The following CCNK variants were observed in gnomAD, a reference collection of about 807,000 sequenced individuals.
The protein encoded by CCNK is cyclin-K.
A neutral mutation model predicts 65.0 loss-of-function variants in CCNK; 9 were observed. The observed-to-expected ratio is 0.14, with a 90% CI of 0.08 to 0.24. The LOEUF (loss-of-function observed/expected upper bound fraction) is 0.24, where lower values mean the gene tolerates loss of function less well. CCNK is among the 10% of genes least tolerant of loss of function. The pLI is 1.00. For missense variants in CCNK, 474 were observed against 720.0 expected (o/e 0.66, Z 3.91); for synonymous variants, 279 against 270.8 (o/e 1.03, Z -0.30).
intron 1 of CCNK, among the ~76,000 whole-genome samples, chr14:99,488,211 C>G (rs1896531851): frequency 6.6e-6 from 1 of 151,736 alleles, no homozygotes; most frequent in South Asian, 2.1e-4. Context: ...GTAATTCCCT[C>G]CCTAATACCC....
At chr14:99,490,828 T>TG (rs1311999146) in intron 1 of CCNK, among the ~76,000 whole-genome samples, 4 of 150,308 alleles carry the variant, frequency 2.7e-5, no homozygotes, top group African/African-American at 9.9e-5. Context: ...CTCGGGAGGC[T>TG]GAGGCAGGAG....
intron 10 of CCNK, chr14:99,507,528 C>T (rs1595326022): frequency 1.0e-5 from 2 of 195,644 alleles, no homozygotes; most frequent in East Asian, 2.5e-4. Context: ...ATTGCACCAC[C>T]GTACTCCAGC....
intron 1 of CCNK, among the ~76,000 whole-genome samples, chr14:99,486,013 G>A (rs774359650): frequency 5.3e-5 from 8 of 151,846 alleles, no homozygotes; most frequent in Non-Finnish European, 7.4e-5. Context: ...ATCCTATACC[G>A]TACAAATTAC....
chr14:99,502,680 A>G (rs773891711), intron 7 of CCNK, 39 bp from the exon 8 acceptor site: 16 of 1,587,368 alleles, frequency 1.0e-5, no homozygotes, highest in East Asian at 9.0e-5. Context: ...TATTTAAAAT[A>G]CCAATTTGTG....
Position 99,510,471 on chromosome 14 carries a change from T to TACCCGCCCA in CCNK, c.1441_1449dup (p.Asn481_Pro483dup), listed in dbSNP as rs1566755383. The stretch of plus-strand genomic sequence containing the variant: ...ACACCTGCCCTACCACCCCCATGTC[T>TACCCGCCCA]ACCCGCCCAACCCGCCCCCGCCACC... On this transcript the variant is annotated inframe_insertion, in exon 11 of 11. Transcript: ENST00000389879. The TACCCGCCCA allele has an allele frequency of 1.7e-6, 2 of 1,187,976 alleles. No individual in the cohort carries two copies. The highest frequency in any genetic ancestry group is 5.8e-5 in the Admixed American group (2 of 34,436). 73.6% of individuals were successfully genotyped at this position (1,187,976 alleles called of 1,614,324 possible). A position where few individuals can be genotyped will look rare whatever the true frequency, so the allele number is the denominator to read the frequency against.
chr14:99,492,493 C>A (rs1454593655), intron 1 of CCNK, 133 bp from the exon 2 acceptor site: 1 of 567,824 alleles, frequency 1.8e-6, no homozygotes. Flanking sequence ...GGAGTTAGCC[C>A]GGGCTTGTAA....
chr14:99,510,676 C>G lies in CCNK; in HGVS notation c.1637C>G (p.Pro546Arg). 7.0e-7 allele frequency: 1 copy of G among 1,425,828 alleles called. No homozygotes were observed. The allele number at this position is 1,425,828 out of a possible 1,614,324, so 88.3% of individuals were successfully genotyped here. Residue 546 changes from proline (P) to arginine (R), a missense_variant, in exon 11 of 11, where the codon CCA (proline) becomes CGA (arginine). Physicochemically the swap from Pro to Arg is moderately radical, Grantham distance 103. Coordinates refer to ENST00000389879, the MANE Select transcript of CCNK (RefSeq NM_001099402.2). ...PGLGLPPASY[P>R]PPAVPPGGQP... ...TTGGGCCTGCCGCCAGCCAGCTACC[C>G]ACCTCCTGCCGTCCCCCCTGGAGGA...
At chr14:99,501,301 G>A in intron 5 of CCNK, 55 bp from the exon 6 acceptor site, 1 of 1,118,346 alleles carries the variant, frequency 8.9e-7, no homozygotes. Context: ...AATACTTGAT[G>A]CTGCCTGTGA....
chr14:99,504,115 C>T, intron 9 of CCNK: 1 of 360,414 alleles, frequency 2.8e-6, no homozygotes, highest in Admixed American at 3.6e-5. Flanking sequence ...GAGGTGCTGT[C>T]ACATGTCTAG....
intron 1 of CCNK, among the ~76,000 whole-genome samples, chr14:99,484,893 G>A (rs1033919775): frequency 2.0e-5 from 3 of 152,200 alleles, no homozygotes; most frequent in Non-Finnish European, 2.9e-5. Context: ...TATTTATGAA[G>A]CACATTCCTG....
At chr14:99,509,435 G>C (rs1368969631) in intron 10 of CCNK, 1 of 152,314 alleles carries the variant, frequency 6.6e-6, no homozygotes, top group Non-Finnish European at 1.5e-5. Flanking sequence ...CCTGAGGCTG[G>C]TTCTGAGCAC....
At chr14:99,504,098 T>G (rs746586660) in intron 9 of CCNK, 1 of 385,714 alleles carries the variant, frequency 2.6e-6, no homozygotes, top group Middle Eastern at 3.8e-4. Context: ...TGAAACACAC[T>G]TGGGTTGAGG....
chr14:99,493,440 TTTTG>T, intron 2 of CCNK, 70 bp from the exon 3 acceptor site: 1 of 888,386 alleles, frequency 1.1e-6, no homozygotes, highest in Non-Finnish European at 1.8e-6. Context: ...TTGTTTGTCT[TTTTG>T]TTTTTCTACA....
rs905870054 is a variant in CCNK at position 99,512,329 on chromosome 14, G to A, written c.*1547G>A. 4.0e-5 allele frequency: 6 copies of A among 151,664 alleles called. No individual in the cohort carries two copies. The highest frequency in any genetic ancestry group is 1.2e-4 in the African/African-American group (5 of 41,224). The allele number at this position is 151,664 out of a possible 1,614,324, so 9.4% of individuals were successfully genotyped here. ...CTGCCGGGCCCGGGGACAGAAACCA[G>A]ACGTTCCAGTCCATCTCCAAAAAGC... On this transcript the variant is annotated 3_prime_UTR_variant, in exon 11 of 11. Coordinates refer to ENST00000389879, the MANE Select transcript of CCNK (RefSeq NM_001099402.2).
chr14:99,500,992 G>T, intron 5 of CCNK, 121 bp downstream of exon 5: 1 of 680,070 alleles, frequency 1.5e-6, no homozygotes, highest in Non-Finnish European at 2.6e-6. Context: ...AATACCAAGG[G>T]CATGGCTTGC....
At chr14:99,502,577 T>C (rs772704588) in intron 7 of CCNK, 142 bp from the exon 8 acceptor site, 66 of 1,196,230 alleles carry the variant, frequency 5.5e-5, no homozygotes, top group Middle Eastern at 2.2e-4. Flanking sequence ...ACACCAGTGT[T>C]GCACACAACG....
chr14:99,504,028 G>A (rs913601303), intron 9 of CCNK: 3 of 367,730 alleles, frequency 8.2e-6, no homozygotes, highest in Admixed American at 7.6e-5. Context: ...AGGGGGTGGT[G>A]TGCTGCCCGG....
intron 10 of CCNK, 89 bp downstream of exon 10, chr14:99,507,236 A>C: frequency 1.2e-6 from 1 of 826,022 alleles, no homozygotes; most frequent in Non-Finnish European, 2.1e-6. Context: ...GAAAAGGGAG[A>C]CTGGGGCCCA....
intron 7 of CCNK, 41 bp from the exon 8 acceptor site, chr14:99,502,678 A>C (rs763535876): frequency 1.8e-5 from 29 of 1,585,716 alleles, no homozygotes; most frequent in Non-Finnish European, 2.3e-5. Flanking sequence ...TTTATTTAAA[A>C]TACCAATTTG....
Sources: gnomAD v4.1 joint callset for allele counts (sites outside exome capture counted in the v4.1 genomes callset) on GRCh38, gnomAD v4.1.1 for gene constraint, MANE v1.5 for transcripts, NCBI Gene and HGNC (gene_info 2026-07-23, HGNC 2026-07-21) for gene names.